The following NLGN1 variants were observed in gnomAD, a reference collection of about 807,000 sequenced individuals.
NLGN1 encodes neuroligin-1.
NLGN1 carries 12 observed loss-of-function variants against 65.5 expected under a neutral mutation model. The observed-to-expected ratio is 0.18, with a 90% CI of 0.12 to 0.30. NLGN1 has a LOEUF of 0.30. Ranked by LOEUF, NLGN1 falls within the 10% of genes least tolerant of loss-of-function variation. The pLI, the probability that NLGN1 is intolerant of heterozygous loss-of-function variation, is 1.00. For missense variants in NLGN1, 750 were observed against 1,007.1 expected (o/e 0.74, Z 3.46); for synonymous variants, 350 against 359.5 (o/e 0.97, Z 0.30).
chr3:174,140,462 AT>A (rs773228010), intron 4 of NLGN1, among the ~76,000 whole-genome samples: 2 of 152,236 alleles, frequency 1.3e-5, no homozygotes, highest in East Asian at 3.9e-4. Context: ...TATATGAATT[AT>A]TTTATTCAGT....
At chr3:174,011,542 T>C (rs1263461382) in intron 4 of NLGN1, among the ~76,000 whole-genome samples, 1 of 152,318 alleles carries the variant, frequency 6.6e-6, no homozygotes, top group East Asian at 1.9e-4. Flanking sequence ...ATAGTAGTTA[T>C]GTTTCTTGGA....
intron 3 of NLGN1, among the ~76,000 whole-genome samples, chr3:173,775,470 C>CTT (rs529036981): frequency 1.5e-3 from 228 of 148,138 alleles, no homozygotes; most frequent in African/African-American, 5.3e-3. Context: ...CTTTCTGATG[C>CTT]TTTTTTTTTT....
intron 2 of NLGN1, among the ~76,000 whole-genome samples, chr3:173,580,178 G>A (rs1746173234): frequency 6.6e-6 from 1 of 151,992 alleles, no homozygotes; most frequent in African/African-American, 2.4e-5. Context: ...AAGCAACAAT[G>A]AAATACTTAC....
intron 2 of NLGN1, among the ~76,000 whole-genome samples, chr3:173,461,289 G>A (rs973176998): frequency 6.6e-6 from 1 of 152,088 alleles, no homozygotes; most frequent in Non-Finnish European, 1.5e-5. Context: ...AGCCAAACAT[G>A]TGGTTATCCA....
At chr3:173,685,452 C>T (rs953424115) in intron 3 of NLGN1, among the ~76,000 whole-genome samples, 2 of 152,156 alleles carry the variant, frequency 1.3e-5, no homozygotes, top group African/African-American at 4.8e-5. Flanking sequence ...TATAAAAATG[C>T]TCCCATGATT....
At chr3:173,678,738 T>A (rs1268787699) in intron 3 of NLGN1, among the ~76,000 whole-genome samples, 2 of 152,056 alleles carry the variant, frequency 1.3e-5, no homozygotes, top group Admixed American at 1.3e-4. Flanking sequence ...TTCAAAATGA[T>A]TACCCTGCCA....
At chr3:173,511,223 TG>T (rs1169351699) in intron 2 of NLGN1, among the ~76,000 whole-genome samples, 2 of 152,180 alleles carry the variant, frequency 1.3e-5, no homozygotes, top group African/African-American at 4.8e-5. Context: ...TTTTTGTTTT[TG>T]TTAGTAATAA....
chr3:173,600,084 A>G (rs1261432037), intron 2 of NLGN1, among the ~76,000 whole-genome samples: 2 of 152,072 alleles, frequency 1.3e-5, no homozygotes, highest in Non-Finnish European at 2.9e-5. Flanking sequence ...TTTTTCTTTC[A>G]TAAAATAAAA....
In NLGN1 at chr3:173,881,842, C is replaced by T. The variant is rs187038029; in HGVS notation, c.646+74010C>T. On this transcript the variant is annotated intron_variant, in intron 4 of 6. Coordinates refer to ENST00000457714, the Ensembl canonical transcript of NLGN1. ...GTTAATATTGATGTTTTGACCTCCT[C>T]CCATGAATCACAGATGTTTTAATGG... Among the ~76,000 whole-genome samples, 532 of 152,250 alleles carry T rather than the reference C, an allele frequency of 3.5e-3. 7 individuals carry two copies. The highest frequency in any genetic ancestry group is 5.8e-3 in the Non-Finnish European group (393 of 68,026).
chr3:173,862,807 T>C (rs565813427), intron 4 of NLGN1, among the ~76,000 whole-genome samples: 46 of 152,286 alleles, frequency 3.0e-4, no homozygotes, highest in Non-Finnish European at 5.7e-4. Flanking sequence ...CAAGATATCT[T>C]ACTTAATTTA....
At chr3:173,662,512 A>AT (rs1360211045) in intron 3 of NLGN1, among the ~76,000 whole-genome samples, 2 of 152,054 alleles carry the variant, frequency 1.3e-5, no homozygotes, top group African/African-American at 4.8e-5. Context: ...AAGTTTATTC[A>AT]TAATTTATCC....
chr3:173,919,246 G>C (rs568080572), intron 4 of NLGN1, among the ~76,000 whole-genome samples: 43 of 152,136 alleles, frequency 2.8e-4, no homozygotes, highest in Admixed American at 2.1e-3. Flanking sequence ...AGGCCATTTT[G>C]TATCTGCTAC....
At chr3:174,272,607 C>G (rs1749611099) in intron 4 of NLGN1, among the ~76,000 whole-genome samples, 1 of 150,908 alleles carries the variant, frequency 6.6e-6, no homozygotes. Context: ...GCGTCGTCCT[C>G]TAAATTCACT....
intron 4 of NLGN1, among the ~76,000 whole-genome samples, chr3:173,893,076 T>C (rs928542036): frequency 3.3e-5 from 5 of 152,178 alleles, no homozygotes; most frequent in African/African-American, 1.2e-4. Flanking sequence ...TCCACACTTT[T>C]GTGAGAAATC....
At chr3:173,728,685 G>A (rs780194310) in intron 3 of NLGN1, among the ~76,000 whole-genome samples, 9 of 152,066 alleles carry the variant, frequency 5.9e-5, no homozygotes, top group East Asian at 5.8e-4. Context: ...GGATGCATAC[G>A]TATAGGGAAG....
intron 2 of NLGN1, among the ~76,000 whole-genome samples, chr3:173,459,527 A>G (rs1428563095): frequency 6.6e-6 from 1 of 152,242 alleles, no homozygotes; most frequent in Admixed American, 6.5e-5. Context: ...GTAAGCAGAG[A>G]TTGACAAATA....
intron 2 of NLGN1, among the ~76,000 whole-genome samples, chr3:173,468,885 T>C (rs1724833334): frequency 6.6e-6 from 1 of 152,112 alleles, no homozygotes; most frequent in African/African-American, 2.4e-5. Context: ...TAAAAGCCAG[T>C]GCATAATAGG....
chr3:174,170,601 G>C (rs548278869), intron 4 of NLGN1, among the ~76,000 whole-genome samples: 1 of 152,290 alleles, frequency 6.6e-6, no homozygotes, highest in African/African-American at 2.4e-5. Flanking sequence ...ATACCTTTCA[G>C]CTCTGTATTG....
chr3:174,026,152 A>T (rs1404458433), intron 4 of NLGN1, among the ~76,000 whole-genome samples: 1 of 152,228 alleles, frequency 6.6e-6, no homozygotes, highest in Non-Finnish European at 1.5e-5. Context: ...TTTTTGAGAC[A>T]AGGTCTCTCT....
Sources: allele counts gnomAD v4.1 joint callset (sites outside exome capture counted in the v4.1 genomes callset), GRCh38; gene constraint gnomAD v4.1.1; transcripts MANE v1.5; gene names NCBI Gene and HGNC (gene_info 2026-07-23, HGNC 2026-07-21).